The following ERBB4 variants were observed in gnomAD, a reference collection of about 807,000 sequenced individuals.
ERBB4 encodes the protein receptor tyrosine-protein kinase erbB-4.
Under a neutral mutation model 158.0 loss-of-function variants are expected in ERBB4, and 42 were observed. That is an observed-to-expected ratio of 0.27 (90% CI 0.21 to 0.34). The LOEUF (loss-of-function observed/expected upper bound fraction) is 0.34. Among genes scored for constraint, ERBB4 ranks in the 10% least tolerant of loss-of-function variants. The probability of loss-of-function intolerance (pLI) is 1.00; values close to 1 mark genes in which losing one functional copy is unlikely to be tolerated. For missense variants in ERBB4, 1,333 were observed against 1,624.1 expected (o/e 0.82, Z 3.08); for synonymous variants, 583 against 558.7 (o/e 1.04, Z -0.61).
intron 2 of ERBB4, among the ~76,000 whole-genome samples, chr2:212,095,388 G>A (rs2078899039): frequency 6.6e-6 from 1 of 152,134 alleles, no homozygotes; most frequent in Admixed American, 6.6e-5. Flanking sequence ...AACTTTTGAT[G>A]GGTACATTTC....
intron 16 of ERBB4, among the ~76,000 whole-genome samples, chr2:211,650,563 T>G (rs529934214): frequency 6.6e-6 from 1 of 152,116 alleles, no homozygotes; most frequent in Non-Finnish European, 1.5e-5. Flanking sequence ...TTGAAGCTGA[T>G]GAAATAAACA....
chr2:211,426,494 T>C (rs2125416980), intron 22 of ERBB4, among the ~76,000 whole-genome samples: 1 of 152,302 alleles, frequency 6.6e-6, no homozygotes, highest in African/African-American at 2.4e-5. Flanking sequence ...CTGGGCTGTG[T>C]TTCAAAACAG....
chr2:212,336,583 A>G (rs1223623793), intron 1 of ERBB4, among the ~76,000 whole-genome samples: 1 of 152,110 alleles, frequency 6.6e-6, no homozygotes, highest in Non-Finnish European at 1.5e-5. Flanking sequence ...TTATTTTGAT[A>G]GCCCGAAATC....
chr2:211,470,392 A>T (rs2064802770), intron 20 of ERBB4, among the ~76,000 whole-genome samples: 1 of 152,088 alleles, frequency 6.6e-6, no homozygotes, highest in East Asian at 1.9e-4. Context: ...AAGGTGTAAA[A>T]TTGGAACATA....
chr2:212,483,093 G>C (rs1689790319), intron 1 of ERBB4, among the ~76,000 whole-genome samples: 1 of 152,190 alleles, frequency 6.6e-6, no homozygotes, highest in South Asian at 2.1e-4. Context: ...TACTCTCAGT[G>C]AGCTTAAAAC....
At chr2:211,450,204 G>A (rs2064210052) in intron 20 of ERBB4, among the ~76,000 whole-genome samples, 1 of 152,078 alleles carries the variant, frequency 6.6e-6, no homozygotes, top group Non-Finnish European at 1.5e-5. Context: ...AATGGAGGTG[G>A]GCAGAAATAA....
At chr2:211,414,876 T>C (rs542112927) in intron 25 of ERBB4, among the ~76,000 whole-genome samples, 1 of 152,240 alleles carries the variant, frequency 6.6e-6, no homozygotes, top group African/African-American at 2.4e-5. Flanking sequence ...GCTCAATTAT[T>C]TTTTTAAACT....
intron 2 of ERBB4, among the ~76,000 whole-genome samples, chr2:211,970,812 G>T (rs1471535699): frequency 6.6e-6 from 1 of 152,084 alleles, no homozygotes; most frequent in African/African-American, 2.4e-5. Flanking sequence ...CATACCAATG[G>T]GTCTTGGTTC....
At chr2:212,224,062 G>A (rs2083390841) in intron 1 of ERBB4, among the ~76,000 whole-genome samples, 1 of 151,752 alleles carries the variant, frequency 6.6e-6, no homozygotes, top group African/African-American at 2.4e-5. Flanking sequence ...ATCTGAATCT[G>A]TTATATTTAT....
Position 212,491,027 on chromosome 2 carries a change from A to G in ERBB4, c.82+47422T>C, listed in dbSNP as rs1310747423. ...CCTTTTCACAGATGCTGTTATTACTATCTTTCTCTTTTTTTAAAAGTAAGA... is the reference window on the plus strand; with the variant it reads ...CCTTTTCACAGATGCTGTTATTACTGTCTTTCTCTTTTTTTAAAAGTAAGA... On this transcript the variant is annotated intron_variant, in intron 1 of 27. Coordinates refer to ENST00000342788, the MANE Select transcript of ERBB4 (RefSeq NM_005235.3). Among the ~76,000 whole-genome samples, 3 of 151,674 alleles carry G rather than the reference A, an allele frequency of 2.0e-5. No individual in the cohort carries two copies. In the East Asian group the frequency reaches 5.8e-4, roughly 29 times the overall value.
intron 1 of ERBB4, among the ~76,000 whole-genome samples, chr2:212,329,740 C>T (rs1400943190): frequency 2.0e-5 from 3 of 152,146 alleles, no homozygotes; most frequent in Admixed American, 2.0e-4. Context: ...GGCCTAGTGT[C>T]ACTTACTTCT....
At chr2:212,318,703 T>C (rs936603370) in intron 1 of ERBB4, among the ~76,000 whole-genome samples, 1 of 151,648 alleles carries the variant, frequency 6.6e-6, no homozygotes, top group Admixed American at 6.6e-5. Context: ...CCAAGTAGAT[T>C]GTTACTAAGT....
intron 1 of ERBB4, among the ~76,000 whole-genome samples, chr2:212,178,690 T>C (rs1214428299): frequency 6.6e-6 from 1 of 151,708 alleles, no homozygotes; most frequent in Non-Finnish European, 1.5e-5. Context: ...CACTAAACTT[T>C]AAACTTTCAT....
chr2:211,733,042 A>T (rs2074479553), intron 5 of ERBB4, among the ~76,000 whole-genome samples: 1 of 152,194 alleles, frequency 6.6e-6, no homozygotes, highest in African/African-American at 2.4e-5. Flanking sequence ...ATCAGGTTTG[A>T]CCTGATGAAT....
At chr2:211,952,941 C>T (rs2080916259) in intron 2 of ERBB4, among the ~76,000 whole-genome samples, 1 of 151,706 alleles carries the variant, frequency 6.6e-6, no homozygotes, top group Non-Finnish European at 1.5e-5. Context: ...GTTATGTAAC[C>T]TTTGGTACAT....
intron 1 of ERBB4, among the ~76,000 whole-genome samples, chr2:212,423,346 G>A (rs2091839624): frequency 6.6e-6 from 1 of 152,156 alleles, no homozygotes; most frequent in South Asian, 2.1e-4. Flanking sequence ...AAAAGCTACA[G>A]TGATTATCTG....
In ERBB4 at chr2:211,787,930, G is replaced by A. The variant is rs562087722; in HGVS notation, c.556+95C>T. On this transcript the variant is annotated intron_variant, in intron 4 of 27. Coordinates refer to ENST00000342788, the MANE Select transcript of ERBB4 (RefSeq NM_005235.3). The stretch of plus-strand genomic sequence containing the variant: ...GAACATTTCAATGAATGCAATCAAA[G>A]TTCAAAATATTAGTAATGACATAAT... The A allele has an allele frequency of 1.4e-5, 18 of 1,293,394 alleles. No homozygotes were observed. In the African/African-American group the frequency reaches 2.2e-4, roughly 16 times the overall value. 80.1% of individuals were successfully genotyped at this position (1,293,394 alleles called of 1,614,324 possible).
At chr2:211,467,147 G>A (rs2064714325) in intron 20 of ERBB4, among the ~76,000 whole-genome samples, 1 of 152,086 alleles carries the variant, frequency 6.6e-6, no homozygotes, top group Non-Finnish European at 1.5e-5. Flanking sequence ...TTGAATAGGA[G>A]TTTGTAGGTT....
chr2:211,986,875 A>C (rs966983483), intron 2 of ERBB4, among the ~76,000 whole-genome samples: 1 of 152,200 alleles, frequency 6.6e-6, no homozygotes, highest in Admixed American at 6.6e-5. Context: ...TAATATTTAC[A>C]AAGACTCTGG....
Sources: gnomAD v4.1 joint callset for allele counts (sites outside exome capture counted in the v4.1 genomes callset) on GRCh38, gnomAD v4.1.1 for gene constraint, MANE v1.5 for transcripts, NCBI Gene and HGNC (gene_info 2026-07-23, HGNC 2026-07-21) for gene names.